IL18R1: variants seen among roughly 807,000 people sequenced by gnomAD.
The protein encoded by IL18R1 is interleukin 18 receptor 1, also known as interleukin-18 receptor 1.
In IL18R1, 40 loss-of-function variants were observed where a neutral mutation model predicts 48.5. The observed-to-expected ratio is 0.82, with a 90% CI of 0.64 to 1.07. The LOEUF is 1.07. Among genes scored for constraint, IL18R1 ranks in the 50% least tolerant of loss-of-function variants. The pLI is 0.00. For synonymous variants in IL18R1, 232 were observed against 225.9 expected (o/e 1.03, Z -0.24); for missense variants, 596 against 633.7 (o/e 0.94, Z 0.64).
At chr2:102,362,842 AG>A in intron 2 of IL18R1, 124 bp downstream of exon 2, 1 of 574,058 alleles carries the variant, frequency 1.7e-6, no homozygotes. Context: ...AAGATTCTGC[AG>A]TCTGAGTTCA....
intron 1 of IL18R1, among the ~76,000 whole-genome samples, chr2:102,360,478 T>A (rs1678510084): frequency 6.6e-6 from 1 of 152,198 alleles, no homozygotes; most frequent in Non-Finnish European, 1.5e-5. Flanking sequence ...TTAGTCAGGA[T>A]GGTCTCAGTC....
intron 5 of IL18R1, among the ~76,000 whole-genome samples, chr2:102,378,262 G>A (rs1263778776): frequency 6.6e-6 from 1 of 152,200 alleles, no homozygotes; most frequent in Non-Finnish European, 1.5e-5. Context: ...CTGTGAGACT[G>A]TGGCCTTGGG....
chr2:102,389,428 A>AT (rs1028096918), intron 8 of IL18R1, among the ~76,000 whole-genome samples: 1 of 152,172 alleles, frequency 6.6e-6, no homozygotes, highest in African/African-American at 2.4e-5. Context: ...TAGAAAATGT[A>AT]TTTTTTTCCA....
rs1234081371 is a variant in IL18R1, at chr2:102,381,605, T to C, written c.626-15T>C. The C allele has an allele frequency of 6.2e-7, 1 of 1,605,460 alleles. No individual in the cohort carries two copies. Among genetic ancestry groups the C allele is most frequent in the East Asian group, 2.2e-5 (1 of 44,820 alleles). On this transcript the variant is annotated splice_polypyrimidine_tract_variant and intron_variant, in intron 5 of 10. Coordinates refer to ENST00000233957, the MANE Select transcript of IL18R1 (RefSeq NM_003855.5). ...GCAACACTAATACATTTGTCTTTTC[T>C]TTTGTCACTTCTAGATCGCAGTAAT...
At chr2:102,392,865 CT>C (rs934106594) in intron 9 of IL18R1, among the ~76,000 whole-genome samples, 6 of 151,910 alleles carry the variant, frequency 3.9e-5, no homozygotes, top group Admixed American at 2.0e-4. Flanking sequence ...TTTCAAATTC[CT>C]TTTTTTGAAT....
chr2:102,393,663 A>G (rs755518082), intron 9 of IL18R1, among the ~76,000 whole-genome samples: 1 of 152,222 alleles, frequency 6.6e-6, no homozygotes, highest in Non-Finnish European at 1.5e-5. Context: ...ACAATATGCC[A>G]TGCATAAATC....
intron 2 of IL18R1, among the ~76,000 whole-genome samples, chr2:102,364,452 T>A (rs777396054): frequency 6.6e-6 from 1 of 152,250 alleles, no homozygotes; most frequent in Non-Finnish European, 1.5e-5. Context: ...ATGCATTTTA[T>A]TATATTAACT....
At chr2:102,379,297 A>T (rs896152005) in intron 5 of IL18R1, among the ~76,000 whole-genome samples, 66 of 152,180 alleles carry the variant, frequency 4.3e-4, no homozygotes, top group African/African-American at 1.6e-3. Flanking sequence ...CAGAAAAATT[A>T]GCTGGGCTTG....
intron 1 of IL18R1, among the ~76,000 whole-genome samples, chr2:102,361,616 C>T (rs569755045): frequency 6.6e-6 from 1 of 152,240 alleles, no homozygotes; most frequent in Admixed American, 6.5e-5. Context: ...TGGTAATGAC[C>T]AAATAGGCTC....
At chr2:102,389,315 A>C (rs1680426437) in intron 8 of IL18R1, among the ~76,000 whole-genome samples, 1 of 152,244 alleles carries the variant, frequency 6.6e-6, no homozygotes, top group Non-Finnish European at 1.5e-5. Context: ...TCATGTTAAC[A>C]CAGCCTTCAC....
chr2:102,384,002 CTTT>C (rs2105101626), intron 6 of IL18R1, among the ~76,000 whole-genome samples: 1 of 152,224 alleles, frequency 6.6e-6, no homozygotes, highest in African/African-American at 2.4e-5. Context: ...TGTCTCTTAA[CTTT>C]TTATTGTTGT....
intron 4 of IL18R1, among the ~76,000 whole-genome samples, chr2:102,373,575 A>G (rs1679394517): frequency 6.6e-6 from 1 of 151,934 alleles, no homozygotes; most frequent in South Asian, 2.1e-4. Flanking sequence ...ACAAACCTGC[A>G]CATTCTCCAC....
intron 5 of IL18R1, among the ~76,000 whole-genome samples, chr2:102,380,364 G>GA (rs1679848751): frequency 6.6e-6 from 1 of 152,130 alleles, no homozygotes; most frequent in South Asian, 2.1e-4. Flanking sequence ...GTTTCTGGGG[G>GA]AAAAAATGGA....
chr2:102,362,723 G>A lies in IL18R1; in HGVS notation c.58+5G>A. The A allele has an allele frequency of 7.1e-6, 11 of 1,542,710 alleles. No homozygotes were observed. The highest frequency in any genetic ancestry group is 9.8e-6 in the Non-Finnish European group (11 of 1,124,166). ...TTATATCTGTAAGCACTGCAGGTAA[G>A]TGATTATACATACTCTCAAACATAT... On this transcript the variant is annotated splice_donor_5th_base_variant and intron_variant, in intron 2 of 10. Coordinates refer to ENST00000233957, the MANE Select transcript of IL18R1 (RefSeq NM_003855.5).
Position 102,386,966 on chromosome 2 carries a change from C to T in IL18R1, c.915C>T (p.Gly305=). ...ATTGCACTGTGGCCAGCACGGGAGG[C>T]ACAGACACCAAAAGCTTCATCTTGG... The part of the protein sequence containing the change: ...LYNCTVASTG[G]TDTKSFILVR... Residue 305 remains glycine (G), a synonymous_variant, in exon 8 of 11, where the codon GGC becomes GGT. Coordinates refer to ENST00000233957, the MANE Select transcript of IL18R1 (RefSeq NM_003855.5). The T allele has an allele frequency of 6.2e-7, 1 of 1,613,656 alleles. No homozygotes were observed. The highest frequency in any genetic ancestry group is 8.5e-7 in the Non-Finnish European group (1 of 1,179,814).
At chr2:102,373,808 C>T (rs968804216) in intron 4 of IL18R1, 15 of 197,756 alleles carry the variant, frequency 7.6e-5, no homozygotes, top group East Asian at 1.3e-4. Context: ...CTGTGAGATC[C>T]GCAGCTGCAT....
At chr2:102,368,983 T>TC (rs1186194675) in intron 3 of IL18R1, among the ~76,000 whole-genome samples, 1 of 152,190 alleles carries the variant, frequency 6.6e-6, no homozygotes, top group Non-Finnish European at 1.5e-5. Flanking sequence ...CCAAATCAGG[T>TC]CATTTTTGTT....
chr2:102,381,804 A>T, intron 6 of IL18R1, 122 bp downstream of exon 6: 2 of 700,578 alleles, frequency 2.9e-6, no homozygotes, highest in South Asian at 1.8e-5. Flanking sequence ...ACTGAATAAC[A>T]TTACAAAACT....
intron 5 of IL18R1, among the ~76,000 whole-genome samples, chr2:102,377,826 T>G (rs1446875430): frequency 6.6e-6 from 1 of 152,120 alleles, no homozygotes; most frequent in Non-Finnish European, 1.5e-5. Flanking sequence ...TATCTCAAGA[T>G]CCTTAATTTA....
Sources: allele counts gnomAD v4.1 joint callset (sites outside exome capture counted in the v4.1 genomes callset), GRCh38; gene constraint gnomAD v4.1.1; transcripts MANE v1.5; gene names NCBI Gene and HGNC (gene_info 2026-07-23, HGNC 2026-07-21).